The following OTOGL variants were observed in gnomAD, a reference collection of about 807,000 sequenced individuals.
OTOGL encodes the protein otogelin-like protein.
Under a neutral mutation model 318.5 loss-of-function variants are expected in OTOGL, and 285 were observed. The ratio of observed to expected loss-of-function variants is 0.89; its 90% CI spans 0.81 to 0.99. The LOEUF is 0.99. Among genes scored for constraint, OTOGL ranks in the 50% least tolerant of loss-of-function variants. The pLI is 0.00. For missense variants in OTOGL, 2,899 were observed against 2,845.6 expected (o/e 1.02, Z -0.43); for synonymous variants, 987 against 936.5 (o/e 1.05, Z -0.99).
chr12:80,325,870 T>A (rs1360664500), intron 35 of OTOGL, among the ~76,000 whole-genome samples: 1 of 152,148 alleles, frequency 6.6e-6, no homozygotes, highest in Non-Finnish European at 1.5e-5. Flanking sequence ...AGTTTATGAC[T>A]TCTTATGGGA....
chr12:80,276,056 A>C (rs764090356), intron 24 of OTOGL, among the ~76,000 whole-genome samples: 1 of 151,806 alleles, frequency 6.6e-6, no homozygotes, highest in Admixed American at 6.6e-5. Flanking sequence ...TATAATTTAC[A>C]GTGATTTAAA....
chr12:80,109,441 C>G (rs1229068738), intron 1 of OTOGL, among the ~76,000 whole-genome samples: 1 of 152,088 alleles, frequency 6.6e-6, no homozygotes, highest in Non-Finnish European at 1.5e-5. Context: ...CTCATAGTAT[C>G]TTATTTTACT....
At chr12:80,332,926 GCA>G in intron 37 of OTOGL, 77 bp from the exon 38 acceptor site, 1 of 1,166,530 alleles carries the variant, frequency 8.6e-7, no homozygotes, top group Non-Finnish European at 1.2e-6. Context: ...AAATTTCTTA[GCA>G]CAGTTTCTGT....
intron 18 of OTOGL, among the ~76,000 whole-genome samples, chr12:80,259,760 A>C (rs557093210): frequency 2.6e-4 from 39 of 152,172 alleles, no homozygotes; most frequent in Admixed American, 8.5e-4. Flanking sequence ...TATCCAGTCT[A>C]TCATTGATGG....
chr12:80,248,993 C>G (rs1290688054), intron 11 of OTOGL, among the ~76,000 whole-genome samples: 1 of 145,932 alleles, frequency 6.9e-6, no homozygotes, highest in East Asian at 2.0e-4. Context: ...ACGTAGTTCT[C>G]GAGCCTTGGT....
At chr12:80,166,699 A>G (rs918524856) in intron 1 of OTOGL, among the ~76,000 whole-genome samples, 1 of 152,236 alleles carries the variant, frequency 6.6e-6, no homozygotes, top group Non-Finnish European at 1.5e-5. Context: ...CAAATTCCAT[A>G]TATCTCACTA....
At chr12:80,360,591 C>T (rs1257601812) in intron 52 of OTOGL, among the ~76,000 whole-genome samples, 3 of 152,070 alleles carry the variant, frequency 2.0e-5, no homozygotes, top group African/African-American at 7.2e-5. Context: ...AAGTGATTCC[C>T]CTGCCTCAGC....
intron 15 of OTOGL, 43 bp from the exon 16 acceptor site, chr12:80,254,997 C>T: frequency 7.2e-7 from 1 of 1,383,136 alleles, no homozygotes; most frequent in South Asian, 1.8e-5. Flanking sequence ...CCTCTATCTC[C>T]ACCTCCTTTT....
At chr12:80,373,810 G>C (rs1235894045) in intron 57 of OTOGL, among the ~76,000 whole-genome samples, 1 of 152,024 alleles carries the variant, frequency 6.6e-6, no homozygotes, top group Non-Finnish European at 1.5e-5. Context: ...ATAATGCTAG[G>C]AATCTACTGC....
intron 1 of OTOGL, among the ~76,000 whole-genome samples, chr12:80,184,461 C>T (rs768433773): frequency 6.6e-5 from 10 of 152,166 alleles, no homozygotes; most frequent in South Asian, 4.2e-4. Flanking sequence ...GAAGGTTTTA[C>T]GTCTTAGAGA....
At chr12:80,110,059 C>A (rs1222894182) in intron 1 of OTOGL, among the ~76,000 whole-genome samples, 1 of 139,106 alleles carries the variant, frequency 7.2e-6, no homozygotes, top group Non-Finnish European at 1.5e-5. Context: ...GTTTTTTTTT[C>A]TTTCTTTCTT....
At chr12:80,258,845 G>A (rs185723359) in intron 18 of OTOGL, among the ~76,000 whole-genome samples, 188 of 152,000 alleles carry the variant, frequency 1.2e-3, no homozygotes, top group African/African-American at 4.3e-3. Flanking sequence ...TTGGTCAAAG[G>A]GTACAAAGTT....
rs755462464 is a variant in OTOGL, at chr12:80,256,397, C to A, written c.1648C>A (p.Gln550Lys). Reference sequence around the variant, plus strand: ...GATTCTGGAGGATGATTTTAACAAACAAGTGACCCTTGGTAGGGGAGGACA... The same window carrying A: ...GATTCTGGAGGATGATTTTAACAAAAAAGTGACCCTTGGTAGGGGAGGACA... ...TLILEDDFNK[Q>K]VTLGRGGQIL... Residue 550 changes from glutamine (Q) to lysine (K), a missense_variant, in exon 17 of 59, where the codon CAA (glutamine) becomes AAA (lysine). Gln to Lys is a moderately conservative substitution (Grantham distance 53). Coordinates refer to ENST00000547103, the MANE Select transcript of OTOGL (RefSeq NM_001378609.3). 6.3e-7 allele frequency: 1 copy of A among 1,594,802 alleles called. No homozygotes were observed. Among genetic ancestry groups the A allele is most frequent in the Non-Finnish European group, 8.5e-7 (1 of 1,177,132 alleles).
In OTOGL at chr12:80,210,871, TGATGG is replaced by T; in HGVS notation, c.107_111del (p.Met36AsnfsTer7). The T allele has an allele frequency of 6.7e-7, 1 of 1,487,448 alleles. No homozygotes were observed. The highest frequency in any genetic ancestry group is 9.0e-7 in the Non-Finnish European group (1 of 1,116,148). The allele number at this position is 1,487,448 out of a possible 1,614,324, so 92.1% of individuals were successfully genotyped here. A position where few individuals can be genotyped will look rare whatever the true frequency, so the allele number is the denominator to read the frequency against. On this transcript the variant is annotated frameshift_variant, in exon 3 of 59. Transcript: ENST00000547103. LOFTEE classifies it high-confidence loss of function. ...GAATATATTTGTGCATCGTCTATAT[TGATGG>T]GAACATCAAAGTGAGTATTTCTTGT...
At chr12:80,333,145 C>A in intron 38 of OTOGL, 67 bp downstream of exon 38, 1 of 1,413,114 alleles carries the variant, frequency 7.1e-7, no homozygotes. Context: ...ATTTCTGTGT[C>A]AATATCCAAA....
chr12:80,208,872 T>A (rs1242727485), intron 1 of OTOGL, among the ~76,000 whole-genome samples: 1 of 152,210 alleles, frequency 6.6e-6, no homozygotes, highest in African/African-American at 2.4e-5. Flanking sequence ...GTAATGGGAC[T>A]TAAAAATAGA....
intron 49 of OTOGL, among the ~76,000 whole-genome samples, chr12:80,357,300 G>A (rs1005105961): frequency 3.3e-5 from 5 of 152,108 alleles, no homozygotes; most frequent in Admixed American, 3.3e-4. Context: ...CATGTTTGAG[G>A]TATGATGATC....
At chr12:80,267,358 C>T (rs1382166584) in intron 22 of OTOGL, 31 bp downstream of exon 22, 1 of 1,311,664 alleles carries the variant, frequency 7.6e-7, no homozygotes, top group Non-Finnish European at 1.0e-6. Context: ...TTGTGTTTGA[C>T]AAATGATGTA....
chr12:80,335,964 C>A lies in OTOGL; in HGVS notation c.4424C>A (p.Pro1475His). ...LTPTTGLECE[P>H]QKFDPVYDCS... is the part of the protein sequence containing the mutation. Reference sequence around the variant, plus strand: ...CCACTAATCTTTTTTTATTAACAGCCTCAGAAATTTGATCCTGTTTATGAT... The same window carrying A: ...CCACTAATCTTTTTTTATTAACAGCATCAGAAATTTGATCCTGTTTATGAT... Residue 1475 changes from proline (P) to histidine (H), a missense_variant and splice_region_variant, in exon 39 of 59, where the codon CCT becomes CAT. Pro to His is a moderately conservative substitution (Grantham distance 77). Coordinates refer to ENST00000547103, the MANE Select transcript of OTOGL (RefSeq NM_001378609.3). 6.6e-7 allele frequency: 1 copy of A among 1,518,694 alleles called. No homozygotes were observed. The highest frequency in any genetic ancestry group is 2.0e-5 in the Admixed American group (1 of 49,372). The allele number at this position is 1,518,694 out of a possible 1,614,324, so 94.1% of individuals were successfully genotyped here.
Sources: gnomAD v4.1 joint callset for allele counts (sites outside exome capture counted in the v4.1 genomes callset) on GRCh38, gnomAD v4.1.1 for gene constraint, MANE v1.5 for transcripts, NCBI Gene and HGNC (gene_info 2026-07-23, HGNC 2026-07-21) for gene names.